ZNF280D: variants seen among roughly 807,000 people sequenced by gnomAD.
ZNF280D encodes zinc finger protein 280D.
ZNF280D carries 39 observed loss-of-function variants against 94.7 expected under a neutral mutation model. The observed-to-expected ratio is 0.41, with a 90% CI of 0.32 to 0.54. The LOEUF is 0.54. Among genes scored for constraint, ZNF280D ranks in the 20% least tolerant of loss-of-function variants. ZNF280D has a pLI of 0.22. For synonymous variants in ZNF280D, 398 were observed against 377.6 expected (o/e 1.05, Z -0.63); for missense variants, 1,090 against 1,149.3 (o/e 0.95, Z 0.75).
intron 6 of ZNF280D, among the ~76,000 whole-genome samples, chr15:56,697,318 G>T (rs1031693490): frequency 6.6e-6 from 1 of 151,976 alleles, no homozygotes; most frequent in Admixed American, 6.6e-5. Flanking sequence ...CCAAGTAGCT[G>T]GGATTACAGG....
intron 7 of ZNF280D, among the ~76,000 whole-genome samples, chr15:56,692,361 A>C (rs2056471891): frequency 6.6e-6 from 1 of 152,128 alleles, no homozygotes; most frequent in East Asian, 1.9e-4. Context: ...TAAATCTAAA[A>C]ATTCCAAAAA....
intron 18 of ZNF280D, 33 bp from the exon 19 acceptor site, chr15:56,654,267 C>G: frequency 6.2e-7 from 1 of 1,607,386 alleles, no homozygotes; most frequent in Non-Finnish European, 8.5e-7. Flanking sequence ...ACATTTACAA[C>G]AGCATATGAA....
chr15:56,678,641 A>T (rs2055408158), intron 11 of ZNF280D, 23 bp downstream of exon 11: 1 of 1,538,854 alleles, frequency 6.5e-7, no homozygotes. Context: ...AATATGGAAT[A>T]TTTAAATGTA....
At chr15:56,643,872 T>A (rs552344267) in intron 19 of ZNF280D, among the ~76,000 whole-genome samples, 1 of 151,826 alleles carries the variant, frequency 6.6e-6, no homozygotes, top group African/African-American at 2.4e-5. Context: ...AAGCAGCAAC[T>A]ATATTATCTT....
Position 56,633,651 on chromosome 15 carries a change from C to G in ZNF280D, c.2316-1529G>C, listed in dbSNP as rs1009173659. ...GATTACAGGCACGTGCCACCAAGCC[C>G]GGCTAATTTTTATATTTTTAGTAGA... On this transcript the variant is annotated intron_variant, in intron 21 of 21. Coordinates refer to ENST00000267807, the MANE Select transcript of ZNF280D (RefSeq NM_017661.4). 5.3e-5 allele frequency among the ~76,000 whole-genome samples: 8 copies of G among 151,776 alleles called. No homozygotes were observed. The South Asian group carries it at 1.7e-3, about 32-fold the overall frequency.
chr15:56,682,504 A>AC (rs753085979), intron 9 of ZNF280D, 27 bp from the exon 10 acceptor site: 1 of 1,355,200 alleles, frequency 7.4e-7, no homozygotes, highest in Admixed American at 2.8e-5. Context: ...AAAAAAAAAA[A>AC]CAAGCCTTAC....
At chr15:56,671,260 TC>T (rs2054845277) in intron 13 of ZNF280D, among the ~76,000 whole-genome samples, 1 of 152,182 alleles carries the variant, frequency 6.6e-6, no homozygotes, top group Non-Finnish European at 1.5e-5. Context: ...TATGCCTATG[TC>T]CTGAATGGTA....
At chr15:56,660,902 A>C (rs1292630487) in intron 16 of ZNF280D, among the ~76,000 whole-genome samples, 3 of 152,050 alleles carry the variant, frequency 2.0e-5, no homozygotes, top group Non-Finnish European at 4.4e-5. Context: ...AAAAATTTTA[A>C]GACATTAGAC....
intron 19 of ZNF280D, chr15:56,653,715 A>G: frequency 7.6e-7 from 1 of 1,322,832 alleles, no homozygotes; most frequent in African/African-American, 1.5e-5. Context: ...GACAAAAGAC[A>G]AACAGCCATA....
At chr15:56,661,133 T>C (rs1326122181) in intron 16 of ZNF280D, among the ~76,000 whole-genome samples, 2 of 152,102 alleles carry the variant, frequency 1.3e-5, no homozygotes, top group Non-Finnish European at 2.9e-5. Context: ...GCAAGACAGA[T>C]GGGGTAGAAG....
intron 1 of ZNF280D, among the ~76,000 whole-genome samples, chr15:56,731,471 C>A (rs1003251999): frequency 1.4e-5 from 2 of 141,642 alleles, no homozygotes; most frequent in African/African-American, 5.4e-5. Flanking sequence ...TGCTCCACAG[C>A]GCTCCATCCT....
intron 16 of ZNF280D, among the ~76,000 whole-genome samples, chr15:56,660,790 A>G (rs902073974): frequency 6.6e-6 from 1 of 152,140 alleles, no homozygotes; most frequent in Non-Finnish European, 1.5e-5. Flanking sequence ...CCTCAAGAAA[A>G]CTGAGGTCAA....
At position 56,631,961 on chromosome 15, in the gene ZNF280D, C is replaced by T. The variant is rs1180996386; in HGVS notation, c.2477G>A (p.Ser826Asn). 1 of 1,613,890 alleles carries T rather than the reference C, an allele frequency of 6.2e-7. No homozygotes were observed. Among genetic ancestry groups the T allele is most frequent in the Non-Finnish European group, 8.5e-7 (1 of 1,180,008 alleles). The stretch of plus-strand genomic sequence containing the variant: ...ATCTGCACCAATATTTGAATCACAA[C>T]TGACGATGTTTTTTGAGCCAGTTTC... ...DQETGSKNIVSCDSNIGADKV... is the reference protein window; with the variant it reads ...DQETGSKNIVNCDSNIGADKV... Residue 826 changes from serine to asparagine, a missense_variant, in exon 22 of 22, where the codon AGT (serine) becomes AAT (asparagine). Physicochemically the swap from Ser to Asn is conservative, Grantham distance 46 (BLOSUM62 1). Coordinates refer to ENST00000267807, the MANE Select transcript of ZNF280D (RefSeq NM_017661.4).
chr15:56,695,816 C>G (rs1197641269), intron 6 of ZNF280D, among the ~76,000 whole-genome samples: 4 of 152,106 alleles, frequency 2.6e-5, no homozygotes, highest in African/African-American at 9.7e-5. Context: ...GTGTGAGGCA[C>G]TGCACCCGGC....
intron 1 of ZNF280D, among the ~76,000 whole-genome samples, chr15:56,727,624 A>T (rs1343641168): frequency 6.6e-6 from 1 of 152,196 alleles, no homozygotes; most frequent in Non-Finnish European, 1.5e-5. Flanking sequence ...ATCTGTTTCT[A>T]GTTTTCACTG....
chr15:56,661,462 G>C (rs1472778110), intron 16 of ZNF280D, among the ~76,000 whole-genome samples: 1 of 152,134 alleles, frequency 6.6e-6, no homozygotes, highest in East Asian at 1.9e-4. Flanking sequence ...CTAGTCCTAT[G>C]ATTATCATTT....
At chr15:56,640,164 T>C (rs1217478012) in intron 20 of ZNF280D, among the ~76,000 whole-genome samples, 1 of 152,130 alleles carries the variant, frequency 6.6e-6, no homozygotes, top group African/African-American at 2.4e-5. Context: ...TGGCTCAGCA[T>C]AACAGTCTCA....
In ZNF280D at chr15:56,701,177, A is replaced by T. The variant is rs1297191396; in HGVS notation, c.237T>A (p.Ser79Arg). 6.3e-7 allele frequency: 1 copy of T among 1,594,686 alleles called. No homozygotes were observed. Among genetic ancestry groups the T allele is most frequent in the South Asian group, 1.1e-5 (1 of 89,324 alleles). The part of the protein sequence containing the change: ...YSRGLKNGAL[S>R]RGITAAFKPT... ...AATAGTATAATAATACTGTACCTCG[A>T]CTGAGTGCACCATTCTTTAGTCCCC... Residue 79 changes from serine to arginine, a missense_variant, in exon 5 of 22, where the codon AGT (serine) becomes AGA (arginine). Physicochemically the swap from Ser to Arg is moderately radical, Grantham distance 110. Transcript: ENST00000267807.
intron 9 of ZNF280D, chr15:56,688,658 A>C (rs1396604380): frequency 6.5e-6 from 1 of 153,662 alleles, no homozygotes; most frequent in Admixed American, 6.5e-5. Context: ...GTAATGTGAC[A>C]TGTACATGTT....
Sources: allele counts gnomAD v4.1 joint callset (sites outside exome capture counted in the v4.1 genomes callset), GRCh38; gene constraint gnomAD v4.1.1; transcripts MANE v1.5; gene names NCBI Gene and HGNC (gene_info 2026-07-23, HGNC 2026-07-21).